The following VAV3 variants were observed in gnomAD, a reference collection of about 807,000 sequenced individuals.
VAV3 encodes vav guanine nucleotide exchange factor 3.
VAV3 carries 94 observed loss-of-function variants against 131.2 expected under a neutral mutation model. The observed-to-expected ratio is 0.72, with a 90% CI of 0.61 to 0.85. The LOEUF (loss-of-function observed/expected upper bound fraction) is 0.85. Ranked by LOEUF, VAV3 falls within the 40% of genes least tolerant of loss-of-function variation. The pLI is 0.00. For missense variants in VAV3, 939 were observed against 1,002.7 expected (o/e 0.94, Z 0.86); for synonymous variants, 349 against 342.0 (o/e 1.02, Z -0.22).
chr1:107,699,453 G>A (rs1659954920), intron 17 of VAV3, among the ~76,000 whole-genome samples: 1 of 152,224 alleles, frequency 6.6e-6, no homozygotes, highest in African/African-American at 2.4e-5. Flanking sequence ...CTCACAGGCT[G>A]GCAATGAGTG....
At chr1:107,846,658 A>G (rs1258639450) in intron 2 of VAV3, among the ~76,000 whole-genome samples, 1 of 152,226 alleles carries the variant, frequency 6.6e-6, no homozygotes, top group Non-Finnish European at 1.5e-5. Context: ...TAAACCAACA[A>G]AGATCAAAAA....
At chr1:107,929,519 C>T (rs1295865680) in intron 1 of VAV3, among the ~76,000 whole-genome samples, 1 of 151,872 alleles carries the variant, frequency 6.6e-6, no homozygotes, top group Non-Finnish European at 1.5e-5. Context: ...AGTAAGTACG[C>T]AGAAAAATAC....
intron 2 of VAV3, among the ~76,000 whole-genome samples, chr1:107,847,591 ACCACTGATT>A (rs1669029250): frequency 6.6e-6 from 1 of 152,248 alleles, no homozygotes; most frequent in South Asian, 2.1e-4. Context: ...AGGGGATATC[ACCACTGATT>A]CCACAGAAAT....
chr1:107,887,341 A>G (rs1006814697), intron 1 of VAV3, among the ~76,000 whole-genome samples: 4 of 152,232 alleles, frequency 2.6e-5, no homozygotes, highest in Admixed American at 6.5e-5. Flanking sequence ...GCATGTTGTT[A>G]AAAACAGCAA....
chr1:107,949,721 T>C (rs1674443264), intron 1 of VAV3, among the ~76,000 whole-genome samples: 2 of 152,198 alleles, frequency 1.3e-5, no homozygotes, highest in Non-Finnish European at 2.9e-5. Flanking sequence ...TTTTACAGAA[T>C]CCCAAAGTAC....
intron 1 of VAV3, among the ~76,000 whole-genome samples, chr1:107,914,897 C>G (rs1331673761): frequency 6.6e-6 from 1 of 152,178 alleles, no homozygotes; most frequent in East Asian, 1.9e-4. Flanking sequence ...GGCCTGGAGG[C>G]TAGCACAGGA....
At chr1:107,811,054 C>T (rs763885642) in intron 2 of VAV3, among the ~76,000 whole-genome samples, 1 of 152,192 alleles carries the variant, frequency 6.6e-6, no homozygotes, top group Non-Finnish European at 1.5e-5. Flanking sequence ...CCTTTCTCTA[C>T]TCATGAAGGT....
intron 1 of VAV3, among the ~76,000 whole-genome samples, chr1:107,908,819 AAACACACACACACAC>A (rs1672228610): frequency 2.3e-5 from 1 of 43,614 alleles, no homozygotes; most frequent in Non-Finnish European, 4.5e-5. Flanking sequence ...CGCCCCACTC[AAACACACACACACAC>A]ACACACACAC....
chr1:107,895,135 G>C (rs2101070728), intron 1 of VAV3, among the ~76,000 whole-genome samples: 1 of 152,132 alleles, frequency 6.6e-6, no homozygotes, highest in Non-Finnish European at 1.5e-5. Context: ...AAAAAAAAGA[G>C]CTATGGGAAG....
chr1:107,767,913 A>G (rs1489089776), intron 7 of VAV3, among the ~76,000 whole-genome samples: 2 of 152,232 alleles, frequency 1.3e-5, no homozygotes, highest in African/African-American at 2.4e-5. Context: ...ATATCTCCTC[A>G]AATTTTACAA....
chr1:107,952,468 T>TTTA (rs1553235441), intron 1 of VAV3, among the ~76,000 whole-genome samples: 41 of 118,916 alleles, frequency 3.4e-4, no homozygotes, highest in African/African-American at 1.2e-3. Context: ...TAACAAAACT[T>TTTA]TATATATATA....
At chr1:107,755,002 C>A (rs889347355) in intron 12 of VAV3, among the ~76,000 whole-genome samples, 1 of 152,026 alleles carries the variant, frequency 6.6e-6, no homozygotes, top group South Asian at 2.1e-4. Flanking sequence ...TTTAAACTGT[C>A]TCCTCAATCT....
chr1:107,885,242 A>G (rs1313442927), intron 1 of VAV3, among the ~76,000 whole-genome samples: 1 of 126,758 alleles, frequency 7.9e-6, no homozygotes, highest in East Asian at 2.2e-4. Flanking sequence ...GTGACACATA[A>G]GTCTGTCGCT....
At chr1:107,937,741 A>T (rs1673793162) in intron 1 of VAV3, among the ~76,000 whole-genome samples, 1 of 152,252 alleles carries the variant, frequency 6.6e-6, no homozygotes, top group African/African-American at 2.4e-5. Context: ...ATTAAAATTC[A>T]TAAAATTCTA....
chr1:107,774,311 C>A (rs796250911), intron 4 of VAV3, among the ~76,000 whole-genome samples: 4 of 152,176 alleles, frequency 2.6e-5, no homozygotes. Flanking sequence ...AGGTGATCTG[C>A]CCACCTCAGC....
rs140489810 is a variant in VAV3, at chr1:107,746,366, T to C, written c.1502+2602A>G. ...TACTTCTACCCTCCCAATATCTGCA[T>C]AGACATTCAACGGAACTCTAAAACA... On this transcript the variant is annotated intron_variant, in intron 15 of 26. Transcript: ENST00000370056. Among the ~76,000 whole-genome samples the C allele has an allele frequency of 7.0e-3, 1,071 of 152,282 alleles. 11 individuals are homozygous for C. Among genetic ancestry groups the C allele is most frequent in the Non-Finnish European group, 8.5e-3 (577 of 68,016 alleles).
chr1:107,657,850 A>T (rs188726654), intron 19 of VAV3, among the ~76,000 whole-genome samples: 22 of 152,368 alleles, frequency 1.4e-4, no homozygotes, highest in African/African-American at 5.0e-4. Context: ...TGGTGTTGTT[A>T]AAAATGTTAT....
At chr1:107,744,358 A>G (rs1180098922) in intron 15 of VAV3, among the ~76,000 whole-genome samples, 1 of 152,202 alleles carries the variant, frequency 6.6e-6, no homozygotes, top group African/African-American at 2.4e-5. Context: ...CACAGTAGTG[A>G]TGGCATATGC....
At position 107,874,902 on chromosome 1, in the gene VAV3, T is replaced by C; in HGVS notation, c.320A>G (p.Lys107Arg). ...FDLFDVRDFGKVIETLSRLSR... is the reference protein window; with the variant it reads ...FDLFDVRDFGRVIETLSRLSR... ...GTGTTAAAAATGAAGTATAATTACC[T>C]TTCCAAAGTCACGAACATCAAACAA... The change falls in exon 2 of 27, where the codon AAG becomes AGG. Residue 107 changes from lysine (K) to arginine (R), a missense_variant and splice_region_variant. Physicochemically the swap from Lys to Arg is conservative, Grantham distance 26. Coordinates refer to ENST00000370056, the MANE Select transcript of VAV3 (RefSeq NM_006113.5). 6.2e-7 allele frequency: 1 copy of C among 1,612,690 alleles called. No homozygotes were observed. Among genetic ancestry groups the C allele is most frequent in the Non-Finnish European group, 8.5e-7 (1 of 1,179,016 alleles).
Sources: allele counts gnomAD v4.1 joint callset (sites outside exome capture counted in the v4.1 genomes callset), GRCh38; gene constraint gnomAD v4.1.1; transcripts MANE v1.5; gene names NCBI Gene and HGNC (gene_info 2026-07-23, HGNC 2026-07-21).